Variants in SAMD9 observed in about 807,000 individuals in gnomAD.
SAMD9 encodes sterile alpha motif domain containing 9, also known as sterile alpha motif domain-containing protein 9.
SAMD9 carries 3 observed loss-of-function variants against 1.5 expected under a neutral mutation model. That is an observed-to-expected ratio of 2.05 (90% confidence interval 0.93 to 5.29). SAMD9 has a LOEUF of 5.29. Among genes scored for constraint, SAMD9 ranks in the 30% most tolerant of loss-of-function variants. The pLI is 0.02. For synonymous variants in SAMD9, 635 were observed against 631.9 expected, an observed-to-expected ratio of 1.00 and a Z score of -0.07; for missense variants, 1,597 against 1,820.8, an observed-to-expected ratio of 0.88 and a Z score of 2.24.
chr7:93,104,110 G>A lies in SAMD9; in HGVS notation c.1988C>T (p.Thr663Ile). 6.2e-7 allele frequency: 1 copy of A among 1,613,840 alleles called. No individual in the cohort carries two copies. Among genetic ancestry groups the A allele is most frequent in the Non-Finnish European group, 8.5e-7 (1 of 1,179,842 alleles). ...TTTATTTTTGTCCTTCTCTAACAGT[G>A]TACCCTCACATTCATTTTCACAGAT... Reference protein sequence around the residue: ...EIICENECEGTLLEKDKNKFL... With the variant: ...EIICENECEGILLEKDKNKFL... Residue 663 changes from threonine to isoleucine, a missense_variant, in exon 3 of 3, where the codon ACA (threonine) becomes ATA (isoleucine). Coordinates refer to ENST00000379958, the MANE Select transcript of SAMD9 (RefSeq NM_017654.4).
intron 1 of SAMD9, among the ~76,000 whole-genome samples, chr7:93,116,049 C>T (rs970574961): frequency 4.6e-5 from 7 of 152,122 alleles, no homozygotes; most frequent in South Asian, 2.1e-4. Context: ...CAGGGGTCCC[C>T]GATTATTGTG....
At position 93,105,124 on chromosome 7, in the gene SAMD9, A is replaced by C. The variant is rs1355632227; in HGVS notation, c.974T>G (p.Met325Arg). ...CCATATTTTGTTGTTGTAATTTTGC[A>C]TTTTAATCTGGAAATAATCATATTG... is the stretch of plus-strand genomic sequence containing the variant. ...ECQYDYFQIK[M>R]QNYNNKIWEQ... The change falls in exon 3 of 3, where the codon ATG (methionine) becomes AGG (arginine). Residue 325 changes from methionine to arginine, a missense_variant. Around this residue, in one of 6 missense-constraint regions of SAMD9, gnomAD observed 498 missense variants for 457.4 expected, o/e 1.09. Transcript: ENST00000379958. 1.2e-6 allele frequency: 2 copies of C among 1,613,694 alleles called. No homozygotes were observed. The highest frequency in any genetic ancestry group is 1.1e-5 in the South Asian group (1 of 91,008).
At chr7:93,110,412 GAACCAGCT>G (rs1791721205) in intron 2 of SAMD9, among the ~76,000 whole-genome samples, 2 of 152,100 alleles carry the variant, frequency 1.3e-5, no homozygotes, top group South Asian at 2.1e-4. Flanking sequence ...ACGAGCAAAA[GAACCAGCT>G]AACATCATAA....
In SAMD9 at chr7:93,105,301, A is replaced by C; in HGVS notation, c.797T>G (p.Leu266Arg). 2 of 1,614,026 alleles carry C rather than the reference A, an allele frequency of 1.2e-6. No individual in the cohort carries two copies. The highest frequency in any genetic ancestry group is 1.7e-6 in the Non-Finnish European group (2 of 1,179,970). Residue 266 changes from leucine to arginine, a missense_variant, in exon 3 of 3, where the codon CTG becomes CGG. By Grantham distance (102) the Leu-to-Arg change is moderately radical. This residue lies in a region of SAMD9 where 498 missense variants were observed against 457.4 expected (regional missense o/e 1.09). Transcript: ENST00000379958. ...TKEALINHFN[L>R]MINKYFEDHQ... is the part of the protein sequence containing the mutation. ...GTCTTCAAAATACTTGTTTATCATCAGATTGAAATGGTTAATGAGGGCTTC... is the reference window on the plus strand; with the variant it reads ...GTCTTCAAAATACTTGTTTATCATCCGATTGAAATGGTTAATGAGGGCTTC...
At position 93,102,008 on chromosome 7, in the gene SAMD9, A is replaced by G; in HGVS notation, c.4090T>C (p.Cys1364Arg). 1 of 1,613,550 alleles carries G rather than the reference A, an allele frequency of 6.2e-7. No homozygotes were observed. The highest frequency in any genetic ancestry group is 8.5e-7 in the Non-Finnish European group (1 of 1,179,666). The change falls in exon 3 of 3, where the codon TGT becomes CGT. Residue 1364 changes from cysteine (C) to arginine (R), a missense_variant. By Grantham distance (180) the Cys-to-Arg change is radical. Coordinates refer to ENST00000379958, the MANE Select transcript of SAMD9 (RefSeq NM_017654.4). ...AGAAAAGTATATTCGTTCACTATAC[A>G]TTTCATAGTGCTTATAGCATCCTCT... is the stretch of plus-strand genomic sequence containing the variant. ...SQEDAISTMK[C>R]IVNEYTFLLE...
In SAMD9 at chr7:93,104,748, T is replaced by G. The variant is rs1177849306; in HGVS notation, c.1350A>C (p.Gly450=). The G allele has an allele frequency of 2.5e-6, 4 of 1,613,902 alleles. No individual in the cohort carries two copies. The highest frequency in any genetic ancestry group is 3.4e-6 in the Non-Finnish European group (4 of 1,179,914). The change falls in exon 3 of 3, where the codon GGA becomes GGC. Residue 450 remains glycine, a synonymous_variant. Coordinates refer to ENST00000379958, the MANE Select transcript of SAMD9 (RefSeq NM_017654.4). ...LEFDPESNIN[G]VVKAYKESRV... Reference sequence around the variant, plus strand: ...GGCTTTCTTTGTAAGCTTTGACCACTCCATTGATGTTAGACTCAGGATCAA... The same window carrying G: ...GGCTTTCTTTGTAAGCTTTGACCACGCCATTGATGTTAGACTCAGGATCAA...
In SAMD9 at chr7:93,101,586, C is replaced by T. The variant is rs1791530871; in HGVS notation, c.4512G>A (p.Lys1504=). 6.2e-7 allele frequency: 1 copy of T among 1,613,770 alleles called. No individual in the cohort carries two copies. The highest frequency in any genetic ancestry group is 2.2e-5 in the East Asian group (1 of 44,886). The part of the protein sequence containing the change: ...HKGKIDQCFK[K]TPDINSLWQS... ...GCCACAAGGAATTAATATCTGGTGT[C>T]TTCTTAAAGCACTGGTCAATTTTTC... The change falls in exon 3 of 3, where the codon AAG becomes AAA. Residue 1504 remains lysine (K), a synonymous_variant. Transcript: ENST00000379958.
rs1791611177 is a variant in SAMD9, at chr7:93,105,113, T to C, written c.985A>G (p.Asn329Asp). The C allele has an allele frequency of 3.1e-6, 5 of 1,613,732 alleles. No individual in the cohort carries two copies. The highest frequency in any genetic ancestry group is 1.7e-5 in the Admixed American group (1 of 59,970). Residue 329 changes from asparagine to aspartate, a missense_variant, in exon 3 of 3, where the codon AAC becomes GAC. Transcript: ENST00000379958. Reference sequence around the variant, plus strand: ...TTACTTTGTTCCCATATTTTGTTGTTGTAATTTTGCATTTTAATCTGGAAA... The same window carrying C: ...TTACTTTGTTCCCATATTTTGTTGTCGTAATTTTGCATTTTAATCTGGAAA... ...DYFQIKMQNY[N>D]NKIWEQSKKF...
At chr7:93,110,693 T>C (rs1791726627) in intron 2 of SAMD9, among the ~76,000 whole-genome samples, 1 of 151,884 alleles carries the variant, frequency 6.6e-6, no homozygotes, top group African/African-American at 2.4e-5. Flanking sequence ...CCAACAAGGA[T>C]CAAAAGAGAC....
Position 93,105,746 on chromosome 7 carries a change from C to A in SAMD9, c.352G>T (p.Glu118Ter). The A allele has an allele frequency of 1.2e-6, 2 of 1,614,044 alleles. No homozygotes were observed. Among genetic ancestry groups the A allele is most frequent in the Admixed American group, 3.3e-5 (2 of 60,002 alleles). ...ETSKQKQKGK[E>*]NPDMANPSAM... is the part of the protein sequence containing the mutation. ...GACGGATTAGCCATATCTGGGTTCT[C>A]TTTACCCTTTTGTTTTTGCTTTGAA... The change falls in exon 3 of 3, where the codon GAG becomes TAG. Residue 118 changes from glutamate (E) to a stop codon, truncating the protein, a stop_gained. Coordinates refer to ENST00000379958, the MANE Select transcript of SAMD9 (RefSeq NM_017654.4). LOFTEE classifies it low-confidence loss of function (END_TRUNC).
intron 2 of SAMD9, among the ~76,000 whole-genome samples, chr7:93,114,345 T>C (rs1057434854): frequency 1.3e-5 from 2 of 151,694 alleles, no homozygotes; most frequent in African/African-American, 2.4e-5. Context: ...ATATACCTAA[T>C]GTAAATGACA....
Position 93,102,954 on chromosome 7 carries a change from T to C in SAMD9, c.3144A>G (p.Gly1048=). 1.2e-6 allele frequency: 2 copies of C among 1,613,914 alleles called. No homozygotes were observed. The highest frequency in any genetic ancestry group is 1.7e-6 in the Non-Finnish European group (2 of 1,179,832). Residue 1048 remains glycine (G), a synonymous_variant, in exon 3 of 3, where the codon GGA becomes GGG. Coordinates refer to ENST00000379958, the MANE Select transcript of SAMD9 (RefSeq NM_017654.4). ...CTTCAATAAATGGGGAAAACCAATT[T>C]CCTGTTTCACCTTCATGTTCATCGC... ...RHRDEHEGET[G]NWFSPFIEAL... is the part of the protein sequence containing the mutation.
intron 2 of SAMD9, among the ~76,000 whole-genome samples, chr7:93,109,950 C>A (rs1201295534): frequency 6.6e-6 from 1 of 152,160 alleles, no homozygotes; most frequent in East Asian, 1.9e-4. Context: ...TCAGAAAATA[C>A]AGAGAATGCC....
intron 2 of SAMD9, among the ~76,000 whole-genome samples, chr7:93,112,399 A>T (rs1389590891): frequency 1.3e-5 from 2 of 152,232 alleles, no homozygotes; most frequent in Non-Finnish European, 2.9e-5. Flanking sequence ...CTGGCACAAG[A>T]CAGGGATGCC....
intron 1 of SAMD9, among the ~76,000 whole-genome samples, chr7:93,117,145 A>T (rs537043481): frequency 6.6e-6 from 1 of 152,174 alleles, no homozygotes; most frequent in Non-Finnish European, 1.5e-5. Context: ...AAGCTCTCAG[A>T]GAGTTTTGTT....
chr7:93,111,327 A>G (rs1346422746), intron 2 of SAMD9, among the ~76,000 whole-genome samples: 1 of 152,246 alleles, frequency 6.6e-6, no homozygotes, highest in Non-Finnish European at 1.5e-5. Flanking sequence ...GGAAATTTAT[A>G]CCACTAAATG....
chr7:93,104,074 A>C lies in SAMD9; in HGVS notation c.2024T>G (p.Phe675Cys), dbSNP rs1791586359. 6.2e-7 allele frequency: 1 copy of C among 1,613,956 alleles called. No homozygotes were observed. The highest frequency in any genetic ancestry group is 1.3e-5 in the African/African-American group (1 of 75,048). Residue 675 changes from phenylalanine (F) to cysteine (C), a missense_variant, in exon 3 of 3, where the codon TTC (phenylalanine) becomes TGC (cysteine). Physicochemically the swap from Phe to Cys is radical, Grantham distance 205 (BLOSUM62 -2). Transcript: ENST00000379958. ...LEKDKNKFLE[F>C]KASKEEDFYR... ...GAAGTCTTCCTCTTTTGATGCCTTG[A>C]ATTCAAGGAATTTATTTTTGTCCTT... is the stretch of plus-strand genomic sequence containing the variant.
At position 93,102,355 on chromosome 7, in the gene SAMD9, A is replaced by C. The variant is rs527257787; in HGVS notation, c.3743T>G (p.Leu1248Ter). 5.9e-5 allele frequency: 95 copies of C among 1,608,826 alleles called. No individual in the cohort carries two copies. The South Asian group carries it at 1.0e-3, about 17-fold the overall frequency. Residue 1248 changes from leucine (L) to a stop codon, truncating the protein, a stop_gained, in exon 3 of 3, where the codon TTA (leucine) becomes TGA (stop). Transcript: ENST00000379958. LOFTEE classifies it low-confidence loss of function (END_TRUNC). ...ATAAGGAATATAGTTTTTGAGGGCT[A>C]ATTTATATTCATTGTTTGGATCCCC... is the stretch of plus-strand genomic sequence containing the variant. ...IPGDPNNEYK[L>*]ALKNYIPYLT...
chr7:93,104,170 T>A lies in SAMD9; in HGVS notation c.1928A>T (p.Lys643Ile). The change falls in exon 3 of 3, where the codon AAA (lysine) becomes ATA (isoleucine). Residue 643 changes from lysine to isoleucine, a missense_variant. Transcript: ENST00000379958. ...PSIGLSTVLL[K>I]KEEDIMTALE... Reference sequence around the variant, plus strand: ...AGCAGTCATGATATCTTCTTCCTTTTTCAGAAGGACAGTCGATAAACCAAT... The same window carrying A: ...AGCAGTCATGATATCTTCTTCCTTTATCAGAAGGACAGTCGATAAACCAAT... 6.2e-7 allele frequency: 1 copy of A among 1,613,990 alleles called. No homozygotes were observed. Among genetic ancestry groups the A allele is most frequent in the Non-Finnish European group, 8.5e-7 (1 of 1,179,866 alleles).
Sources: allele counts gnomAD v4.1 joint callset (sites outside exome capture counted in the v4.1 genomes callset), GRCh38; gene constraint gnomAD v4.1.1; regional missense constraint gnomAD v4.1.1; transcripts MANE v1.5; gene names NCBI Gene and HGNC (gene_info 2026-07-23, HGNC 2026-07-21).